GPC6: variants seen among roughly 807,000 people sequenced by gnomAD.
The protein encoded by GPC6 is glypican-6.
A neutral mutation model predicts 55.2 loss-of-function variants in GPC6; 14 were observed. The ratio of observed to expected loss-of-function variants is 0.25; its 90% CI spans 0.17 to 0.40. The LOEUF is 0.40. Ranked by LOEUF, GPC6 falls within the 10% of genes least tolerant of loss-of-function variation. GPC6 has a pLI of 1.00. For missense variants in GPC6, 641 were observed against 708.5 expected (o/e 0.90, Z 1.08); for synonymous variants, 278 against 259.6 (o/e 1.07, Z -0.68).
intron 2 of GPC6, among the ~76,000 whole-genome samples, chr13:93,610,766 A>C (rs796485521): frequency 2.6e-5 from 4 of 152,246 alleles, no homozygotes; most frequent in South Asian, 4.1e-4. Flanking sequence ...TGGATAATGC[A>C]CTGTGATTTT....
At chr13:93,689,884 G>A (rs1882192665) in intron 2 of GPC6, among the ~76,000 whole-genome samples, 1 of 152,186 alleles carries the variant, frequency 6.6e-6, no homozygotes, top group East Asian at 1.9e-4. Flanking sequence ...AATCAGTCCA[G>A]TGTCTTAGAT....
chr13:94,334,852 C>T (rs1039524263), intron 6 of GPC6, among the ~76,000 whole-genome samples: 1 of 152,156 alleles, frequency 6.6e-6, no homozygotes, highest in Admixed American at 6.5e-5. Flanking sequence ...TCCCTAAGCC[C>T]CAGAGTCTTC....
chr13:93,471,410 G>C (rs1159390645), intron 1 of GPC6, among the ~76,000 whole-genome samples: 1 of 150,414 alleles, frequency 6.6e-6, no homozygotes, highest in Non-Finnish European at 1.5e-5. Flanking sequence ...GGTGCCTGTA[G>C]TCCCAGCTAC....
At chr13:93,833,107 T>TAG (rs367949345) in intron 3 of GPC6, among the ~76,000 whole-genome samples, 7,509 of 108,610 alleles carry the variant, frequency 0.069, 590 homozygotes, top group Non-Finnish European at 0.1. Flanking sequence ...AGGTAGATGA[T>TAG]AGAGAGAGAG....
chr13:94,098,032 G>A (rs2138821461), intron 4 of GPC6, among the ~76,000 whole-genome samples: 1 of 152,270 alleles, frequency 6.6e-6, no homozygotes, highest in Middle Eastern at 3.4e-3. Flanking sequence ...CTCAGGCTCT[G>A]AGAAAAAATG....
At chr13:94,255,424 T>G (rs938332498) in intron 4 of GPC6, among the ~76,000 whole-genome samples, 4 of 152,058 alleles carry the variant, frequency 2.6e-5, no homozygotes, top group Admixed American at 6.6e-5. Flanking sequence ...AGTTCAAAAT[T>G]TTACCACTAT....
intron 3 of GPC6, among the ~76,000 whole-genome samples, chr13:93,850,501 C>T (rs1221115962): frequency 6.6e-6 from 1 of 151,906 alleles, no homozygotes; most frequent in Non-Finnish European, 1.5e-5. Flanking sequence ...TATGAAAATT[C>T]ACTGTTTATT....
intron 2 of GPC6, among the ~76,000 whole-genome samples, chr13:93,631,092 C>T (rs974285068): frequency 3.9e-5 from 6 of 152,082 alleles, no homozygotes; most frequent in African/African-American, 1.4e-4. Flanking sequence ...GGGGTCCTTG[C>T]ACATGGTCAT....
chr13:94,193,754 A>C (rs1889474336), intron 4 of GPC6, among the ~76,000 whole-genome samples: 1 of 152,206 alleles, frequency 6.6e-6, no homozygotes, highest in African/African-American at 2.4e-5. Flanking sequence ...TCATGCAGTG[A>C]AAGTTCTTTA....
chr13:94,166,258 C>G (rs1162141123), intron 4 of GPC6, among the ~76,000 whole-genome samples: 6 of 152,102 alleles, frequency 3.9e-5, no homozygotes, highest in South Asian at 4.1e-4. Context: ...TAGCAAATAG[C>G]CTTTTGGATA....
intron 6 of GPC6, among the ~76,000 whole-genome samples, chr13:94,367,631 C>G (rs1284702179): frequency 6.6e-6 from 1 of 151,590 alleles, no homozygotes; most frequent in Non-Finnish European, 1.5e-5. Flanking sequence ...GGCATGCATG[C>G]CCTTAATATG....
intron 6 of GPC6, among the ~76,000 whole-genome samples, chr13:94,377,050 C>G (rs1474333251): frequency 1.3e-5 from 2 of 151,402 alleles, no homozygotes; most frequent in Non-Finnish European, 2.9e-5. Context: ...AAAATCAATT[C>G]AAGATGGATT....
chr13:94,115,001 A>G (rs1423542169), intron 4 of GPC6, among the ~76,000 whole-genome samples: 1 of 152,106 alleles, frequency 6.6e-6, no homozygotes, highest in African/African-American at 2.4e-5. Flanking sequence ...ATTAAACTCT[A>G]TTGTCTCCAA....
At chr13:93,898,234 A>G (rs1338950073) in intron 3 of GPC6, among the ~76,000 whole-genome samples, 1 of 152,110 alleles carries the variant, frequency 6.6e-6, no homozygotes, top group Non-Finnish European at 1.5e-5. Flanking sequence ...TTCGGCCATC[A>G]CTGGCCTTAT....
intron 1 of GPC6, among the ~76,000 whole-genome samples, chr13:93,272,194 T>C (rs1877553238): frequency 2.6e-5 from 4 of 152,074 alleles, no homozygotes; most frequent in Admixed American, 2.6e-4. Context: ...ATTTCTGAAA[T>C]GTGACTAGTT....
chr13:93,800,183 A>T (rs568649798), intron 2 of GPC6, among the ~76,000 whole-genome samples: 22 of 152,326 alleles, frequency 1.4e-4, no homozygotes, highest in Admixed American at 1.2e-3. Flanking sequence ...CTATGACAAA[A>T]TAACTTGAAG....
At chr13:93,649,325 T>A (rs186665024) in intron 2 of GPC6, among the ~76,000 whole-genome samples, 136 of 152,146 alleles carry the variant, frequency 8.9e-4, no homozygotes, top group African/African-American at 3.2e-3. Flanking sequence ...GGTGGCTCAC[T>A]CCTGTCATCC....
intron 2 of GPC6, among the ~76,000 whole-genome samples, chr13:93,662,879 C>T (rs761847625): frequency 1.3e-5 from 2 of 151,888 alleles, no homozygotes; most frequent in Admixed American, 6.6e-5. Context: ...AAACAAAACA[C>T]CTAGGCATGT....
At chr13:94,217,560 T>C (rs1890261185) in intron 4 of GPC6, among the ~76,000 whole-genome samples, 1 of 152,178 alleles carries the variant, frequency 6.6e-6, no homozygotes, top group Non-Finnish European at 1.5e-5. Flanking sequence ...GTGATGTAAC[T>C]ACTACAACAG....
Sources: gnomAD v4.1 joint callset for allele counts (sites outside exome capture counted in the v4.1 genomes callset) on GRCh38, gnomAD v4.1.1 for gene constraint, MANE v1.5 for transcripts, NCBI Gene and HGNC (gene_info 2026-07-23, HGNC 2026-07-21) for gene names.